The following BTNL8 variants were observed in gnomAD, a reference collection of about 807,000 sequenced individuals.
BTNL8 encodes butyrophilin like 8.
In BTNL8, 22 loss-of-function variants were observed where a neutral mutation model predicts 36.1. The ratio of observed to expected loss-of-function variants is 0.61; its 90% CI spans 0.44 to 0.87. BTNL8 has a LOEUF of 0.87. Among genes scored for constraint, BTNL8 ranks in the 40% least tolerant of loss-of-function variants. The pLI is 0.00. For synonymous variants in BTNL8, 203 were observed against 235.6 expected (o/e 0.86, Z 1.27); for missense variants, 526 against 616.9 (o/e 0.85, Z 1.56).
intron 3 of BTNL8, among the ~76,000 whole-genome samples, chr5:180,924,219 C>T (rs1027390169): frequency 6.6e-6 from 1 of 152,224 alleles, no homozygotes; most frequent in African/African-American, 2.4e-5. Flanking sequence ...GAGGGAGCAT[C>T]TGATCTTGCC....
intron 3 of BTNL8, among the ~76,000 whole-genome samples, chr5:180,946,815 T>A (rs1759275472): frequency 6.6e-6 from 1 of 152,224 alleles, no homozygotes; most frequent in Non-Finnish European, 1.5e-5. Context: ...CTTAATTAGC[T>A]TGATTTAATC....
intron 3 of BTNL8, among the ~76,000 whole-genome samples, chr5:180,940,464 GA>G (rs1162676301): frequency 1.3e-5 from 2 of 151,534 alleles, no homozygotes; most frequent in African/African-American, 2.4e-5. Flanking sequence ...ATTTCAAGTA[GA>G]AAAAACTCCA....
chr5:180,901,981 G>A (rs1756841355), intron 1 of BTNL8, among the ~76,000 whole-genome samples: 1 of 152,174 alleles, frequency 6.6e-6, no homozygotes, highest in African/African-American at 2.4e-5. Context: ...AAAAAACTAA[G>A]GAAGTACAAA....
intron 3 of BTNL8, among the ~76,000 whole-genome samples, chr5:180,938,777 A>C (rs1180140356): frequency 6.6e-6 from 1 of 152,116 alleles, no homozygotes; most frequent in African/African-American, 2.4e-5. Context: ...CTTAACAGAA[A>C]TCTTACAGGC....
chr5:180,938,184 G>A (rs1017432997), intron 3 of BTNL8, among the ~76,000 whole-genome samples: 1 of 152,036 alleles, frequency 6.6e-6, no homozygotes, highest in Non-Finnish European at 1.5e-5. Context: ...AGAGAAAAAA[G>A]AATGAAGAAA....
chr5:180,901,092 C>T (rs1756806420), intron 1 of BTNL8, among the ~76,000 whole-genome samples: 1 of 152,204 alleles, frequency 6.6e-6, no homozygotes, highest in South Asian at 2.1e-4. Flanking sequence ...ACATCTGCTA[C>T]ACCAGGTCAG....
rs932112687 is a variant in BTNL8 at position 180,947,831 on chromosome 5, A to G, written c.787+206A>G. ...AACTACGACAGCCCCTTGCTACTTC[A>G]TTTAGGTCAAATAATAAGGGGATGA... On this transcript the variant is annotated intron_variant, in intron 4 of 7. Coordinates refer to ENST00000340184, the MANE Select transcript of BTNL8 (RefSeq NM_001040462.3). 16 of 1,514,528 alleles carry G rather than the reference A, an allele frequency of 1.1e-5. No homozygotes were observed. In the African/African-American group the frequency reaches 2.2e-4, roughly 21 times the overall value. The allele number at this position is 1,514,528 out of a possible 1,614,324, so 93.8% of individuals were successfully genotyped here. A position where few individuals can be genotyped will look rare whatever the true frequency, so the allele number is the denominator to read the frequency against.
intron 3 of BTNL8, among the ~76,000 whole-genome samples, chr5:180,916,019 C>T (rs577187738): frequency 4.7e-4 from 72 of 152,294 alleles, no homozygotes; most frequent in African/African-American, 1.5e-3. Flanking sequence ...TTATTTGGCT[C>T]ATGGTCGTGG....
In BTNL8 at chr5:180,911,626, G is replaced by T; in HGVS notation, c.673+12G>T. ...GGTACAGATAGGAGGTGAGTAGGGAGGGGAGGAGAAGAGAAGGAGGGGTGG... is the reference window on the plus strand; with the variant it reads ...GGTACAGATAGGAGGTGAGTAGGGATGGGAGGAGAAGAGAAGGAGGGGTGG... On this transcript the variant is annotated intron_variant, in intron 3 of 7. Transcript: ENST00000340184. The T allele has an allele frequency of 6.3e-7, 1 of 1,595,500 alleles. No individual in the cohort carries two copies. Among genetic ancestry groups the T allele is most frequent in the South Asian group, 1.1e-5 (1 of 90,062 alleles).
intron 1 of BTNL8, among the ~76,000 whole-genome samples, chr5:180,907,626 G>A (rs1437494828): frequency 3.3e-5 from 5 of 150,352 alleles, no homozygotes; most frequent in Admixed American, 6.6e-5. Context: ...CAGTTTTTCT[G>A]TTCTGTTTTT....
chr5:180,936,422 G>T (rs1442047276), intron 3 of BTNL8, among the ~76,000 whole-genome samples: 2 of 151,980 alleles, frequency 1.3e-5, no homozygotes, highest in African/African-American at 4.8e-5. Flanking sequence ...AACATACAAA[G>T]ATCAGTTTCA....
At position 180,950,181 on chromosome 5, in the gene BTNL8, C is replaced by T; in HGVS notation, c.1140C>T (p.Leu380=). 2.1e-6 allele frequency: 3 copies of T among 1,463,130 alleles called. 1 individual carries two copies. Among genetic ancestry groups the T allele is most frequent in the Non-Finnish European group, 2.8e-6 (3 of 1,058,942 alleles). 90.6% of individuals were successfully genotyped at this position (1,463,130 alleles called of 1,614,324 possible). A position where few individuals can be genotyped will look rare whatever the true frequency, so the allele number is the denominator to read the frequency against. The change falls in exon 8 of 8, where the codon CTC becomes CTT. Residue 380 remains leucine, a synonymous_variant. Coordinates refer to ENST00000340184, the MANE Select transcript of BTNL8 (RefSeq NM_001040462.3). ...CTCCCGATCATGGGTACTGGGTCCT[C>T]AGACTGAATGGAGAACATTTGTATT... ...TLSPDHGYWV[L]RLNGEHLYFT...
At chr5:180,930,709 A>T (rs1758332703) in intron 3 of BTNL8, among the ~76,000 whole-genome samples, 1 of 152,218 alleles carries the variant, frequency 6.6e-6, no homozygotes, top group African/African-American at 2.4e-5. Flanking sequence ...TCCCATTCAC[A>T]ATTGCTACAA....
chr5:180,908,289 A>G (rs547651836), intron 1 of BTNL8, among the ~76,000 whole-genome samples: 9,609 of 151,788 alleles, frequency 0.063, 369 homozygotes, highest in South Asian at 0.11. Context: ...TGCGTCCGTC[A>G]CCCCTTTCTT....
At chr5:180,907,478 G>A (rs1285180922) in intron 1 of BTNL8, among the ~76,000 whole-genome samples, 3 of 145,786 alleles carry the variant, frequency 2.1e-5, no homozygotes, top group African/African-American at 5.4e-5. Flanking sequence ...ATGTCCTCCC[G>A]TAGCTCAGAG....
chr5:180,904,085 G>T (rs1474529653), intron 1 of BTNL8, among the ~76,000 whole-genome samples: 9 of 138,438 alleles, frequency 6.5e-5, no homozygotes, highest in African/African-American at 8.5e-5. Flanking sequence ...GCTTGATGGG[G>T]ATGGCATTGA....
chr5:180,929,207 A>G (rs1278968365), intron 3 of BTNL8, among the ~76,000 whole-genome samples: 2 of 152,236 alleles, frequency 1.3e-5, no homozygotes, highest in Non-Finnish European at 2.9e-5. Context: ...CTATTCCTGA[A>G]TGACTACTGG....
rs1168016486 is a variant in BTNL8, at chr5:180,935,628, T to C, written c.674-11884T>C. ...TTCCAGGGCCCCGAGAGCACAGTGA[T>C]GCCTGGGTCTGGAGCTGCGGCTGGG... On this transcript the variant is annotated intron_variant, in intron 3 of 7. Coordinates refer to ENST00000340184, the MANE Select transcript of BTNL8 (RefSeq NM_001040462.3). The surrounding 1 kb of genome is among the most constrained non-coding windows in gnomAD (Gnocchi z 4.8). Among the ~76,000 whole-genome samples the C allele has an allele frequency of 6.6e-6, 1 of 152,186 alleles. No homozygotes were observed. Among genetic ancestry groups the C allele is most frequent in the African/African-American group, 2.4e-5 (1 of 41,466 alleles).
Position 180,935,114 on chromosome 5 carries a change from A to C in BTNL8, c.674-12398A>C, listed in dbSNP as rs1348764945. 6.6e-6 allele frequency among the ~76,000 whole-genome samples: 1 copy of C among 152,142 alleles called. No individual in the cohort carries two copies. Among genetic ancestry groups the C allele is most frequent in the East Asian group, 1.9e-4 (1 of 5,182 alleles). On this transcript the variant is annotated intron_variant, in intron 3 of 7. Transcript: ENST00000340184. The surrounding 1 kb of genome is among the most constrained non-coding windows in gnomAD (Gnocchi z 4.8). ...GTCTAGGGGTTTTTATGGGCCCAGA[A>C]GGAAGGGAGTGCATGCTGATTGGTT...
Sources: gnomAD v4.1 joint callset for allele counts (sites outside exome capture counted in the v4.1 genomes callset) on GRCh38, gnomAD v4.1.1 for gene constraint, Gnocchi (gnomAD v3.1) non-coding constraint, MANE v1.5 for transcripts, NCBI Gene and HGNC (gene_info 2026-07-23, HGNC 2026-07-21) for gene names.